FBXL17: variants seen among roughly 807,000 people sequenced by gnomAD.
FBXL17 encodes the protein F-box and leucine rich repeat protein 17.
In FBXL17, 22 loss-of-function variants were observed where a neutral mutation model predicts 66.2. The ratio of observed to expected loss-of-function variants is 0.33; its 90% CI spans 0.24 to 0.47. The LOEUF is 0.47. Ranked by LOEUF, FBXL17 falls within the 20% of genes least tolerant of loss-of-function variation. The pLI is 1.00. For synonymous variants in FBXL17, 474 were observed against 400.5 expected, an observed-to-expected ratio of 1.18 and a Z score of -2.19; for missense variants, 878 against 948.2, an observed-to-expected ratio of 0.93 and a Z score of 0.97.
At chr5:108,034,753 C>T (rs1225365155) in intron 6 of FBXL17, among the ~76,000 whole-genome samples, 1 of 152,118 alleles carries the variant, frequency 6.6e-6, no homozygotes, top group Non-Finnish European at 1.5e-5. Flanking sequence ...ATGGAAACCA[C>T]TGAGAAATAA....
intron 4 of FBXL17, chr5:108,299,593 C>G: frequency 1.0e-6 from 1 of 972,088 alleles, no homozygotes; most frequent in Non-Finnish European, 1.2e-6. Flanking sequence ...TTTTACTTTC[C>G]AATAAATTGC....
At chr5:108,193,459 G>A (rs991383878) in intron 5 of FBXL17, among the ~76,000 whole-genome samples, 1 of 152,060 alleles carries the variant, frequency 6.6e-6, no homozygotes, top group Non-Finnish European at 1.5e-5. Flanking sequence ...AAAAGAAAAG[G>A]GGCAGGGAGA....
chr5:107,984,535 C>G (rs946492697), intron 7 of FBXL17, among the ~76,000 whole-genome samples: 4 of 152,128 alleles, frequency 2.6e-5, no homozygotes, highest in Non-Finnish European at 4.4e-5. Context: ...TACCTACTTG[C>G]TATAGCATAC....
At chr5:108,332,148 G>A (rs1347734248) in intron 4 of FBXL17, among the ~76,000 whole-genome samples, 2 of 152,132 alleles carry the variant, frequency 1.3e-5, no homozygotes, top group Non-Finnish European at 2.9e-5. Context: ...GGGGAGTCAA[G>A]ATGAGAGAAG....
chr5:108,002,733 G>T (rs1457567679), intron 7 of FBXL17, among the ~76,000 whole-genome samples: 1 of 152,132 alleles, frequency 6.6e-6, no homozygotes, highest in African/African-American at 2.4e-5. Flanking sequence ...CCACAACACT[G>T]ACAAATCTCA....
chr5:108,000,792 C>T (rs758529644), intron 7 of FBXL17, among the ~76,000 whole-genome samples: 4 of 152,132 alleles, frequency 2.6e-5, no homozygotes, highest in South Asian at 4.1e-4. Flanking sequence ...ATCAACCTTC[C>T]GTTCTTGAAA....
At chr5:107,997,636 TTC>T (rs1281274480) in intron 7 of FBXL17, among the ~76,000 whole-genome samples, 3 of 152,200 alleles carry the variant, frequency 2.0e-5, no homozygotes, top group Non-Finnish European at 4.4e-5. Flanking sequence ...TCCTTTTTCT[TTC>T]TCTGTCTGAT....
At chr5:108,123,457 T>C (rs1464870944) in intron 6 of FBXL17, among the ~76,000 whole-genome samples, 1 of 152,218 alleles carries the variant, frequency 6.6e-6, no homozygotes, top group Non-Finnish European at 1.5e-5. Context: ...CTGTGGGCAC[T>C]GAAATATATT....
chr5:107,871,644 CA>C, intron 8 of FBXL17, among the ~76,000 whole-genome samples: 1 of 151,704 alleles, frequency 6.6e-6, no homozygotes, highest in South Asian at 2.1e-4. Context: ...ACGTGTGGTG[CA>C]GATGAGAACC....
chr5:108,015,864 A>C (rs1051533295), intron 7 of FBXL17, among the ~76,000 whole-genome samples: 1 of 152,138 alleles, frequency 6.6e-6, no homozygotes, highest in African/African-American at 2.4e-5. Context: ...GTTACACCAA[A>C]ACGATGAATA....
At chr5:108,119,795 C>G (rs989804894) in intron 6 of FBXL17, among the ~76,000 whole-genome samples, 4 of 152,156 alleles carry the variant, frequency 2.6e-5, no homozygotes, top group Admixed American at 6.5e-5. Flanking sequence ...GATCATTTCC[C>G]TATGATTTTA....
chr5:108,276,103 C>T lies in FBXL17; in HGVS notation c.1507-51875G>A, dbSNP rs192228231. On this transcript the variant is annotated intron_variant, in intron 4 of 8. Transcript: ENST00000542267. ...TGGAGGAAAAATAACATGTCTAACT[C>T]CAAGTACGAAACAAAATGCTTAATT... Among the ~76,000 whole-genome samples the T allele has an allele frequency of 5.9e-5, 9 of 152,256 alleles. No homozygotes were observed. In the East Asian group the frequency reaches 1.7e-3, roughly 29 times the overall value.
chr5:108,084,781 G>A (rs1420302140), intron 6 of FBXL17, among the ~76,000 whole-genome samples: 1 of 152,168 alleles, frequency 6.6e-6, no homozygotes, highest in African/African-American at 2.4e-5. Context: ...AAATGCTGAT[G>A]TTTTGTAAAA....
intron 6 of FBXL17, among the ~76,000 whole-genome samples, chr5:108,105,642 G>A (rs1052768545): frequency 1.3e-5 from 2 of 152,156 alleles, no homozygotes; most frequent in African/African-American, 2.4e-5. Flanking sequence ...CATGTATGTC[G>A]ATTATCTACT....
At chr5:108,229,526 G>A (rs1473825830) in intron 4 of FBXL17, among the ~76,000 whole-genome samples, 1 of 152,166 alleles carries the variant, frequency 6.6e-6, no homozygotes, top group East Asian at 1.9e-4. Context: ...GTAGGAGAAT[G>A]AAACTGGATC....
chr5:108,255,800 A>G (rs1353240915), intron 4 of FBXL17, among the ~76,000 whole-genome samples: 2 of 152,164 alleles, frequency 1.3e-5, no homozygotes, highest in Non-Finnish European at 2.9e-5. Flanking sequence ...TTAGGGGAGG[A>G]AATTAGAGGA....
At chr5:108,148,982 C>A (rs1419740525) in intron 6 of FBXL17, among the ~76,000 whole-genome samples, 1 of 152,198 alleles carries the variant, frequency 6.6e-6, no homozygotes, top group Non-Finnish European at 1.5e-5. Flanking sequence ...GTCCTCATGA[C>A]TCAAGCAAAA....
chr5:108,184,368 G>T (rs1375048497), intron 6 of FBXL17, among the ~76,000 whole-genome samples: 2 of 152,102 alleles, frequency 1.3e-5, no homozygotes, highest in South Asian at 4.2e-4. Context: ...GTGTAGTGGT[G>T]TGATCTCGGC....
intron 3 of FBXL17, among the ~76,000 whole-genome samples, chr5:108,356,218 G>C (rs937345634): frequency 1.1e-4 from 16 of 152,086 alleles, no homozygotes; most frequent in Non-Finnish European, 2.2e-4. Context: ...CCTAACAAGA[G>C]AGCATCAGAA....
Sources: gnomAD v4.1 joint callset for allele counts (sites outside exome capture counted in the v4.1 genomes callset) on GRCh38, gnomAD v4.1.1 for gene constraint, MANE v1.5 for transcripts, NCBI Gene and HGNC (gene_info 2026-07-23, HGNC 2026-07-21) for gene names.